The following PCDHGA7 variants were observed in gnomAD, a reference collection of about 807,000 sequenced individuals.
The protein encoded by PCDHGA7 is protocadherin gamma subfamily A, 7.
Under a neutral mutation model 58.3 loss-of-function variants are expected in PCDHGA7, and 44 were observed. The observed-to-expected ratio is 0.75, with a 90% CI of 0.59 to 0.97. The LOEUF (loss-of-function observed/expected upper bound fraction) is 0.97. Among genes scored for constraint, PCDHGA7 ranks in the 50% least tolerant of loss-of-function variants. The pLI is 0.00. For synonymous variants in PCDHGA7, 516 were observed against 504.2 expected, an observed-to-expected ratio of 1.02 and a Z score of -0.31; for missense variants, 1,266 against 1,188.7, an observed-to-expected ratio of 1.06 and a Z score of -0.96.
rs376001893 is a variant in PCDHGA7 at position 141,388,827 on chromosome 5, A to G, written c.2424+3504A>G. ...TTTTGAAGAAGTCAAAGAATATTCC[A>G]TAGTTTTGGAAGCAAGGGACGGTGG... On this transcript the variant is annotated intron_variant, in intron 1 of 3. Coordinates refer to ENST00000518325, the MANE Select transcript of PCDHGA7 (RefSeq NM_018920.4). The G allele has an allele frequency of 9.9e-6, 16 of 1,614,024 alleles. No homozygotes were observed. The African/African-American group carries it at 1.7e-4, about 17-fold the overall frequency.
intron 1 of PCDHGA7, chr5:141,398,973 C>T: frequency 6.2e-7 from 1 of 1,613,952 alleles, no homozygotes; most frequent in Non-Finnish European, 8.5e-7. Context: ...ATTCCTTCTA[C>T]AGAACCGGGC....
chr5:141,399,361 C>A (rs375619778), intron 1 of PCDHGA7: 1 of 1,613,960 alleles, frequency 6.2e-7, no homozygotes. Context: ...AGAGCAAACC[C>A]CGGAGTACAA....
intron 1 of PCDHGA7, chr5:141,394,424 C>G (rs781695042): frequency 6.2e-7 from 1 of 1,614,222 alleles, no homozygotes; most frequent in East Asian, 2.2e-5. Flanking sequence ...CCAGCGACAG[C>G]GGGGACCCGC....
intron 1 of PCDHGA7, chr5:141,389,770 C>T: frequency 4.3e-6 from 7 of 1,613,166 alleles, no homozygotes; most frequent in Admixed American, 1.7e-5. Flanking sequence ...ACAGCGCGTG[C>T]CTTAGGCGAC....
chr5:141,409,338 A>C, intron 1 of PCDHGA7: 5 of 1,614,002 alleles, frequency 3.1e-6, no homozygotes, highest in Non-Finnish European at 4.2e-6. Flanking sequence ...TTCGGAGGAA[A>C]TGGAGAAGTC....
chr5:141,397,199 T>G (rs1317536621), intron 1 of PCDHGA7, among the ~76,000 whole-genome samples: 1 of 152,156 alleles, frequency 6.6e-6, no homozygotes, highest in African/African-American at 2.4e-5. Context: ...GTAAAAGATA[T>G]GACATAAGAG....
In PCDHGA7 at chr5:141,389,793, C is replaced by T. The variant is rs773579820; in HGVS notation, c.2424+4470C>T. On this transcript the variant is annotated intron_variant, in intron 1 of 3. Coordinates refer to ENST00000518325, the MANE Select transcript of PCDHGA7 (RefSeq NM_018920.4). Reference sequence around the variant, plus strand: ...TGCCTTAGGCGACAGGGACGCCGTCCGCCAGCGCCTTCTGGTCGCCGTGCG... The same window carrying T: ...TGCCTTAGGCGACAGGGACGCCGTCTGCCAGCGCCTTCTGGTCGCCGTGCG... 8.7e-6 allele frequency: 14 copies of T among 1,613,452 alleles called. No homozygotes were observed. The Admixed American group carries it at 1.8e-4, about 21-fold the overall frequency.
chr5:141,415,959 C>T, intron 1 of PCDHGA7: 3 of 443,810 alleles, frequency 6.8e-6, no homozygotes, highest in Non-Finnish European at 1.1e-5. Context: ...CATATTGAAA[C>T]TCCAGCCCCT....
At chr5:141,389,787 G>C (rs761543632) in intron 1 of PCDHGA7, 3 of 1,613,328 alleles carry the variant, frequency 1.9e-6, no homozygotes, top group Non-Finnish European at 2.5e-6. Context: ...CGACAGGGAC[G>C]CCGTCCGCCA....
At position 141,385,132 on chromosome 5, in the gene PCDHGA7, G is replaced by C. The variant is rs763210124; in HGVS notation, c.2233G>C (p.Gly745Arg). The change falls in exon 1 of 4, where the codon GGG becomes CGG. Residue 745 changes from glycine to arginine, a missense_variant. By Grantham distance (125) the Gly-to-Arg change is moderately radical. Transcript: ENST00000518325. Reference protein sequence around the residue: ...VPTSHFVGMDGVQAFLQTYSH... With the variant: ...VPTSHFVGMDRVQAFLQTYSH... ...CACCTCGCACTTTGTGGGCATGGAC[G>C]GGGTGCAGGCTTTCCTGCAGACCTA... The C allele has an allele frequency of 1.2e-6, 2 of 1,614,094 alleles. No individual in the cohort carries two copies. Among genetic ancestry groups the C allele is most frequent in the African/African-American group, 1.3e-5 (1 of 74,934 alleles).
intron 1 of PCDHGA7, chr5:141,408,748 T>A (rs757813921): frequency 2.5e-6 from 4 of 1,608,714 alleles, no homozygotes; most frequent in Non-Finnish European, 3.4e-6. Flanking sequence ...CATTAATGGT[T>A]AGAGTTAATT....
chr5:141,394,521 G>A (rs761808641), intron 1 of PCDHGA7: 5 of 1,614,212 alleles, frequency 3.1e-6, no homozygotes, highest in Non-Finnish European at 4.2e-6. Flanking sequence ...CCTCCCCACA[G>A]ACGGTTCCAC....
chr5:141,494,985 C>A, intron 2 of PCDHGA7, 120 bp downstream of exon 2: 1 of 1,559,680 alleles, frequency 6.4e-7, no homozygotes. Context: ...AGTTTGAGAT[C>A]CCAGGGAGGT....
intron 1 of PCDHGA7, among the ~76,000 whole-genome samples, chr5:141,405,668 G>A (rs1468042334): frequency 6.6e-6 from 1 of 152,100 alleles, no homozygotes; most frequent in Non-Finnish European, 1.5e-5. Context: ...AGTAGAGACG[G>A]GGTGTCACCA....
At chr5:141,394,416 A>G (rs1220964310) in intron 1 of PCDHGA7, 1 of 1,614,202 alleles carries the variant, frequency 6.2e-7, no homozygotes. Context: ...GGTAACAGCC[A>G]GCGACAGCGG....
chr5:141,478,148 C>T lies in PCDHGA7; in HGVS notation c.2425-16659C>T, dbSNP rs752958567. ...CTCTCCTGAAGCCCGAGCCGAGTTC[C>T]CCTCTGGCTCTGCCCCCCGGGAGCA... On this transcript the variant is annotated intron_variant, in intron 1 of 3. Coordinates refer to ENST00000518325, the MANE Select transcript of PCDHGA7 (RefSeq NM_018920.4). 3.1e-6 allele frequency: 5 copies of T among 1,613,948 alleles called. No homozygotes were observed. The highest frequency in any genetic ancestry group is 1.6e-4 in the Middle Eastern group (1 of 6,082).
chr5:141,485,714 G>A lies in PCDHGA7; in HGVS notation c.2425-9093G>A. 6.2e-7 allele frequency: 1 copy of A among 1,614,182 alleles called. No individual in the cohort carries two copies. The highest frequency in any genetic ancestry group is 8.5e-7 in the Non-Finnish European group (1 of 1,180,042). On this transcript the variant is annotated intron_variant, in intron 1 of 3. Transcript: ENST00000518325. This position sits in a 1 kb window ranked among gnomAD's most constrained non-coding sequence, Gnocchi z 5.7. ...GAGCTCCAATGAACACTTTGCACTG[G>A]ATGTGAAGAAGCGCAGCGACGGCAG...
At chr5:141,471,217 T>G (rs2099252724) in intron 1 of PCDHGA7, 1 of 151,568 alleles carries the variant, frequency 6.6e-6, no homozygotes, top group South Asian at 2.1e-4. Context: ...GCCTGGCAAT[T>G]TTTTTGTATT....
Position 141,393,204 on chromosome 5 carries a change from C to T in PCDHGA7, c.2424+7881C>T, listed in dbSNP as rs373432896. ...AATAATTGATATTAACGATAATAAC[C>T]CAAAATTCCAGGTCGAAGATCTAGA... On this transcript the variant is annotated intron_variant, in intron 1 of 3. Transcript: ENST00000518325. 7 of 1,613,342 alleles carry T rather than the reference C, an allele frequency of 4.3e-6. No homozygotes were observed. The African/African-American group carries it at 9.3e-5, about 22-fold the overall frequency.
Sources: allele counts gnomAD v4.1 joint callset (sites outside exome capture counted in the v4.1 genomes callset), GRCh38; gene constraint gnomAD v4.1.1; non-coding constraint Gnocchi (gnomAD v3.1); transcripts MANE v1.5; gene names NCBI Gene and HGNC (gene_info 2026-07-23, HGNC 2026-07-21).